Variants in EYS observed in about 807,000 individuals in gnomAD.
EYS encodes protein eyes shut homolog.
EYS carries 250 observed loss-of-function variants against 282.1 expected under a neutral mutation model. That is an observed-to-expected ratio of 0.89 (90% CI 0.80 to 0.98). The LOEUF is 0.98. EYS is among the 50% of genes least tolerant of loss of function. The pLI is 0.00. For synonymous variants in EYS, 1,355 were observed against 1,282.9 expected, an observed-to-expected ratio of 1.06 and a Z score of -1.20; for missense variants, 4,016 against 3,709.0, an observed-to-expected ratio of 1.08 and a Z score of -2.15.
intron 36 of EYS, among the ~76,000 whole-genome samples, chr6:63,852,847 T>G (rs1306261148): frequency 6.6e-6 from 1 of 152,200 alleles, no homozygotes; most frequent in African/African-American, 2.4e-5. Context: ...TCAATAAATG[T>G]AATCCATCAC....
intron 9 of EYS, among the ~76,000 whole-genome samples, chr6:65,347,425 GC>G: frequency 6.6e-6 from 1 of 151,710 alleles, no homozygotes; most frequent in Non-Finnish European, 1.5e-5. Context: ...AAATGTTTGT[GC>G]AGTGTTTCTT....
At chr6:64,739,313 T>C (rs1437874823) in intron 22 of EYS, among the ~76,000 whole-genome samples, 1 of 152,182 alleles carries the variant, frequency 6.6e-6, no homozygotes, top group Non-Finnish European at 1.5e-5. Context: ...ACTTGTAATA[T>C]AGTAGTTTAA....
chr6:64,177,667 T>C (rs980725028), intron 31 of EYS, among the ~76,000 whole-genome samples: 12 of 152,166 alleles, frequency 7.9e-5, no homozygotes, highest in Non-Finnish European at 1.6e-4. Context: ...TGAGAGGTGC[T>C]GTAAGAGCCC....
intron 16 of EYS, among the ~76,000 whole-genome samples, chr6:64,906,527 G>A (rs1767831702): frequency 6.6e-6 from 1 of 152,096 alleles, no homozygotes; most frequent in Non-Finnish European, 1.5e-5. Context: ...AGGTAATGTG[G>A]AATTAACATA....
chr6:64,731,402 T>C (rs1449120695), intron 22 of EYS, among the ~76,000 whole-genome samples: 1 of 152,132 alleles, frequency 6.6e-6, no homozygotes, highest in Non-Finnish European at 1.5e-5. Context: ...TGGGAAAACA[T>C]TTTTGCAATC....
chr6:65,460,074 T>TAC (rs71002308), intron 5 of EYS, among the ~76,000 whole-genome samples: 5,375 of 135,266 alleles, frequency 0.04, 130 homozygotes, highest in Admixed American at 0.047. Context: ...TATATATGTA[T>TAC]ACACACACAC....
intron 31 of EYS, among the ~76,000 whole-genome samples, chr6:64,220,202 C>A (rs1766057816): frequency 6.6e-6 from 1 of 152,036 alleles, no homozygotes; most frequent in Non-Finnish European, 1.5e-5. Flanking sequence ...AAATGTATAG[C>A]AGTTTGAGAT....
chr6:64,213,062 GA>G (rs975304512), intron 31 of EYS, among the ~76,000 whole-genome samples: 9 of 152,026 alleles, frequency 5.9e-5, no homozygotes, highest in Non-Finnish European at 1.3e-4. Context: ...ACATAGAGGG[GA>G]AAAACACACA....
At chr6:65,085,958 T>C (rs895595668) in intron 12 of EYS, among the ~76,000 whole-genome samples, 4 of 151,902 alleles carry the variant, frequency 2.6e-5, no homozygotes, top group Non-Finnish European at 5.9e-5. Context: ...ATCTCTCCCT[T>C]CTCTACGTCT....
intron 13 of EYS, among the ~76,000 whole-genome samples, chr6:65,037,656 G>A (rs563457380): frequency 6.6e-6 from 1 of 151,578 alleles, no homozygotes; most frequent in African/African-American, 2.4e-5. Context: ...TAATGTTATG[G>A]GTAAGGCTCC....
chr6:64,130,060 G>C (rs1773919495), intron 31 of EYS, among the ~76,000 whole-genome samples: 1 of 152,154 alleles, frequency 6.6e-6, no homozygotes, highest in Non-Finnish European at 1.5e-5. Context: ...AAGTCAGGTA[G>C]CGTGATGCCT....
At chr6:64,515,988 T>C (rs1013233633) in intron 26 of EYS, among the ~76,000 whole-genome samples, 11 of 151,786 alleles carry the variant, frequency 7.2e-5, no homozygotes, top group South Asian at 4.1e-4. Flanking sequence ...GTGCATTAAA[T>C]TCCAGCTTTT....
intron 22 of EYS, among the ~76,000 whole-genome samples, chr6:64,749,063 A>T (rs570741343): frequency 2.0e-5 from 3 of 152,350 alleles, no homozygotes; most frequent in African/African-American, 7.2e-5. Context: ...GTGAGCCACC[A>T]TGCCTGGCCT....
At position 63,958,231 on chromosome 6, in the gene EYS, C is replaced by T. The variant is rs1165094888; in HGVS notation, c.7055+26152G>A. Among the ~76,000 whole-genome samples the T allele has an allele frequency of 2.1e-5, 3 of 140,344 alleles. 1 individual carries two copies. Among genetic ancestry groups the T allele is most frequent in the African/African-American group, 7.3e-5 (3 of 40,880 alleles). The allele number at this position is 140,344 out of a possible 152,430, so 92.1% of individuals were successfully genotyped here. ...TGGAAATAAATTATGAATGGAACAG[C>T]TATGGTTCCATACCAATTAAGCTAT... is the stretch of plus-strand genomic sequence containing the variant. On this transcript the variant is annotated intron_variant, in intron 35 of 42. Transcript: ENST00000503581.
At chr6:63,903,165 C>T (rs1215123337) in intron 35 of EYS, among the ~76,000 whole-genome samples, 1 of 151,988 alleles carries the variant, frequency 6.6e-6, no homozygotes, top group Non-Finnish European at 1.5e-5. Context: ...GAAAGAAACA[C>T]AGATTTGAGG....
At chr6:65,278,025 T>TCTCTTC in intron 12 of EYS, among the ~76,000 whole-genome samples, 1 of 109,554 alleles carries the variant, frequency 9.1e-6, no homozygotes, top group Non-Finnish European at 1.9e-5. Context: ...TGTTTTCTTT[T>TCTCTTC]CTTTTCCTTT....
chr6:65,473,887 G>T (rs542926691), intron 5 of EYS, among the ~76,000 whole-genome samples: 1 of 151,716 alleles, frequency 6.6e-6, no homozygotes, highest in Non-Finnish European at 1.5e-5. Context: ...TTCAGAAAGT[G>T]AGAGAACTAG....
chr6:64,983,749 G>A (rs891173132), intron 14 of EYS, among the ~76,000 whole-genome samples: 7 of 150,740 alleles, frequency 4.6e-5, no homozygotes, highest in African/African-American at 1.7e-4. Flanking sequence ...TTTCTGCTAA[G>A]TTTTAAGACT....
chr6:64,066,231 T>C (rs1043502760), intron 33 of EYS, 107 bp downstream of exon 33: 1 of 972,402 alleles, frequency 1.0e-6, no homozygotes, highest in Non-Finnish European at 1.5e-6. Context: ...TGAGCTGAGA[T>C]CACACCACTG....
Sources: gnomAD v4.1 joint callset for allele counts (sites outside exome capture counted in the v4.1 genomes callset) on GRCh38, gnomAD v4.1.1 for gene constraint, MANE v1.5 for transcripts, NCBI Gene and HGNC (gene_info 2026-07-23, HGNC 2026-07-21) for gene names.